USP6NL: variants seen among roughly 807,000 people sequenced by gnomAD.
The protein encoded by USP6NL is USP6 N-terminal-like protein.
In USP6NL, 26 loss-of-function variants were observed where a neutral mutation model predicts 61.9. That is an observed-to-expected ratio of 0.42 (90% CI 0.31 to 0.58). The LOEUF (loss-of-function observed/expected upper bound fraction) is 0.58. Among genes scored for constraint, USP6NL ranks in the 20% least tolerant of loss-of-function variants. The pLI is 0.16. For synonymous variants in USP6NL, 432 were observed against 390.1 expected, an observed-to-expected ratio of 1.11 and a Z score of -1.27; for missense variants, 1,114 against 1,034.3, an observed-to-expected ratio of 1.08 and a Z score of -1.06.
chr10:11,533,871 C>A (rs1236313275), intron 2 of USP6NL, among the ~76,000 whole-genome samples: 1 of 152,158 alleles, frequency 6.6e-6, no homozygotes, highest in Non-Finnish European at 1.5e-5. Flanking sequence ...AAAAACAAAA[C>A]AGCAACAGGA....
In USP6NL at chr10:11,548,447, G is replaced by C. The variant is rs1408331245; in HGVS notation, c.5-20880C>G. Among the ~76,000 whole-genome samples, 1 of 152,078 alleles carries C rather than the reference G, an allele frequency of 6.6e-6. No individual in the cohort carries two copies. Among genetic ancestry groups the C allele is most frequent in the African/African-American group, 2.4e-5 (1 of 41,388 alleles). On this transcript the variant is annotated intron_variant, in intron 2 of 14. Transcript: ENST00000609104. The surrounding 1 kb of genome is among the most constrained non-coding windows in gnomAD (Gnocchi z 4.3). The stretch of plus-strand genomic sequence containing the variant: ...GAAGCTTTCTCAATCTCAATACAGA[G>C]CTTGACATTTTATTATTTTTAATTA...
chr10:11,519,753 A>G (rs1294582086), intron 4 of USP6NL, among the ~76,000 whole-genome samples: 1 of 152,260 alleles, frequency 6.6e-6, no homozygotes, highest in Non-Finnish European at 1.5e-5. Context: ...TTGTGATATC[A>G]TCTCTAATAT....
At chr10:11,603,648 T>G (rs889566552) in intron 1 of USP6NL, among the ~76,000 whole-genome samples, 1 of 152,218 alleles carries the variant, frequency 6.6e-6, no homozygotes, top group African/African-American at 2.4e-5. Flanking sequence ...TACAAGAATG[T>G]ATTCATCTAT....
rs142649349 is a variant in USP6NL, at chr10:11,528,128, G to GACACACAC, written c.5-569_5-562dup. Among the ~76,000 whole-genome samples, 8,829 of 142,198 alleles carry GACACACAC rather than the reference G, an allele frequency of 0.062. 354 individuals are homozygous for GACACACAC. The highest frequency in any genetic ancestry group is 0.095 in the Non-Finnish European group (6,154 of 64,576). 93.3% of individuals were successfully genotyped at this position (142,198 alleles called of 152,430 possible). On this transcript the variant is annotated intron_variant, in intron 2 of 14. Transcript: ENST00000609104. This position sits in a 1 kb window ranked among gnomAD's most constrained non-coding sequence, Gnocchi z 4.6. Reference sequence around the variant, plus strand: ...ACATATGTGTGTGGACACACACACAGACACACACACACACACACACACACA... The same window carrying GACACACAC: ...ACATATGTGTGTGGACACACACACAGACACACACACACACACACACACACACACACACA...
At position 11,597,659 on chromosome 10, in the gene USP6NL, T is replaced by C. The variant is rs1187548071; in HGVS notation, c.-25A>G. 1 of 1,550,800 alleles carries C rather than the reference T, an allele frequency of 6.4e-7. No homozygotes were observed. Among genetic ancestry groups the C allele is most frequent in the African/African-American group, 1.4e-5 (1 of 73,160 alleles). On this transcript the variant is annotated 5_prime_UTR_variant, in exon 2 of 15. Coordinates refer to ENST00000609104, the MANE Select transcript of USP6NL (RefSeq NM_014688.5). The surrounding 1 kb of genome is among the most constrained non-coding windows in gnomAD (Gnocchi z 4.6). ...TGACTGGAAATGGGTCTGAATGTTGTCCCAATCAGATATTAAACCAAAATC... is the reference window on the plus strand; with the variant it reads ...TGACTGGAAATGGGTCTGAATGTTGCCCCAATCAGATATTAAACCAAAATC...
intron 2 of USP6NL, among the ~76,000 whole-genome samples, chr10:11,551,020 C>A (rs1380414619): frequency 6.6e-6 from 1 of 152,126 alleles, no homozygotes; most frequent in Non-Finnish European, 1.5e-5. Context: ...AACTCTCCTG[C>A]AGCATGCGTG....
chr10:11,532,287 C>A lies in USP6NL; in HGVS notation c.5-4720G>T. On this transcript the variant is annotated intron_variant, in intron 2 of 14. Coordinates refer to ENST00000609104, the MANE Select transcript of USP6NL (RefSeq NM_014688.5). The surrounding 1 kb of genome is among the most constrained non-coding windows in gnomAD (Gnocchi z 4.1). ...TATTATTTTATAGTTCTCGAACACA[C>A]CAAGAGTGCTGCCCGGCGGTACCTC... 1.3e-6 allele frequency: 2 copies of A among 1,484,034 alleles called. No homozygotes were observed. The highest frequency in any genetic ancestry group is 1.3e-5 in the South Asian group (1 of 77,224). The allele number at this position is 1,484,034 out of a possible 1,614,324, so 91.9% of individuals were successfully genotyped here.
rs148698156 is a variant in USP6NL, at chr10:11,525,992, G to A, written c.73-524C>T. Among the ~76,000 whole-genome samples, 7 of 151,562 alleles carry A rather than the reference G, an allele frequency of 4.6e-5. No homozygotes were observed. The East Asian group carries it at 1.2e-3, about 26-fold the overall frequency. On this transcript the variant is annotated intron_variant, in intron 3 of 14. Transcript: ENST00000609104. The surrounding 1 kb of genome is among the most constrained non-coding windows in gnomAD (Gnocchi z 5.0). ...CTTCCAGCAGTCAGACCTGCTGCAC[G>A]CTCTTCAGGCCTCATCTAACGGATC...
At chr10:11,538,043 C>T (rs1057342255) in intron 2 of USP6NL, among the ~76,000 whole-genome samples, 8 of 152,048 alleles carry the variant, frequency 5.3e-5, no homozygotes, top group South Asian at 2.1e-4. Context: ...GAGCACCTTG[C>T]GTCAGGTAGA....
In USP6NL at chr10:11,596,917, T is replaced by C. The variant is rs567098896; in HGVS notation, c.4+714A>G. On this transcript the variant is annotated intron_variant, in intron 2 of 14. Transcript: ENST00000609104. The surrounding 1 kb of genome is among the most constrained non-coding windows in gnomAD (Gnocchi z 4.1). Reference sequence around the variant, plus strand: ...TGTGAAAAACATTTAAACTCTAATATCATCTTCCAATAAGAAAATGCTCAT... The same window carrying C: ...TGTGAAAAACATTTAAACTCTAATACCATCTTCCAATAAGAAAATGCTCAT... Among the ~76,000 whole-genome samples, 2 of 152,254 alleles carry C rather than the reference T, an allele frequency of 1.3e-5. No individual in the cohort carries two copies. Among genetic ancestry groups the C allele is most frequent in the African/African-American group, 4.8e-5 (2 of 41,542 alleles).
At chr10:11,536,722 C>T (rs183347509) in intron 2 of USP6NL, among the ~76,000 whole-genome samples, 5 of 152,256 alleles carry the variant, frequency 3.3e-5, no homozygotes, top group Admixed American at 2.6e-4. Context: ...TATACTTCCC[C>T]GCGGTCCAAC....
rs1838591710 is a variant in USP6NL, at chr10:11,602,940, A to G, written c.-83-5223T>C. Among the ~76,000 whole-genome samples the G allele has an allele frequency of 6.6e-6, 1 of 152,332 alleles. No individual in the cohort carries two copies. The highest frequency in any genetic ancestry group is 1.9e-4 in the East Asian group (1 of 5,188). On this transcript the variant is annotated intron_variant, in intron 1 of 14. Coordinates refer to ENST00000609104, the MANE Select transcript of USP6NL (RefSeq NM_014688.5). This position sits in a 1 kb window ranked among gnomAD's most constrained non-coding sequence, Gnocchi z 4.8. ...CTTTCACAGTTCTTATGCTTTCCCT[A>G]AAGAATGCTCTTGCTGCAACCCCGT... is the stretch of plus-strand genomic sequence containing the variant.
intron 2 of USP6NL, among the ~76,000 whole-genome samples, chr10:11,571,458 A>G (rs1333002000): frequency 6.6e-5 from 10 of 152,136 alleles, no homozygotes; most frequent in Admixed American, 6.6e-4. Context: ...ACCAAGGAAA[A>G]CTATTTGATA....
chr10:11,550,730 T>C (rs1236961137), intron 2 of USP6NL, among the ~76,000 whole-genome samples: 1 of 151,480 alleles, frequency 6.6e-6, no homozygotes, highest in Non-Finnish European at 1.5e-5. Flanking sequence ...GCACTCCAGC[T>C]GGGCAACAGA....
At chr10:11,500,211 A>G (rs537150371) in intron 7 of USP6NL, among the ~76,000 whole-genome samples, 6 of 152,296 alleles carry the variant, frequency 3.9e-5, no homozygotes, top group Admixed American at 1.3e-4. Flanking sequence ...AGAATAGCCA[A>G]TGAGTGCTAA....
rs759320826 is a variant in USP6NL, at chr10:11,463,127, T to C, written c.1801A>G (p.Asn601Asp). 15 of 1,614,012 alleles carry C rather than the reference T, an allele frequency of 9.3e-6. No homozygotes were observed. Among genetic ancestry groups the C allele is most frequent in the Non-Finnish European group, 1.3e-5 (15 of 1,179,900 alleles). ...EPSSSPSKVS[N>D]KFTFKVQPPS... is the part of the protein sequence containing the mutation. ...GGCTGTACTTTAAAAGTAAACTTGT[T>C]GGATACTTTTGATGGACTAGAACTT... Residue 601 changes from asparagine (N) to aspartate (D), a missense_variant, in exon 15 of 15, where the codon AAC becomes GAC. Physicochemically the swap from Asn to Asp is conservative, Grantham distance 23. Coordinates refer to ENST00000609104, the MANE Select transcript of USP6NL (RefSeq NM_014688.5). This position sits in a 1 kb window ranked among gnomAD's most constrained non-coding sequence, Gnocchi z 6.3.
chr10:11,467,828 T>G (rs1295489548), intron 14 of USP6NL, among the ~76,000 whole-genome samples: 2 of 152,270 alleles, frequency 1.3e-5, no homozygotes, highest in Non-Finnish European at 2.9e-5. Flanking sequence ...TTTTTTCTGC[T>G]GTAAACATGT....
chr10:11,557,205 A>C (rs185075703), intron 2 of USP6NL, among the ~76,000 whole-genome samples: 1 of 152,274 alleles, frequency 6.6e-6, no homozygotes, highest in East Asian at 1.9e-4. Flanking sequence ...ATTCAATCAC[A>C]ATTTTATTCA....
chr10:11,485,194 C>G lies in USP6NL; in HGVS notation c.800G>C (p.Trp267Ser). 6.5e-7 allele frequency: 1 copy of G among 1,534,784 alleles called. No individual in the cohort carries two copies. Among genetic ancestry groups the G allele is most frequent in the Non-Finnish European group, 8.7e-7 (1 of 1,143,398 alleles). ...EIYTSFYTMKWFFQCFLDRTP... is the reference protein window; with the variant it reads ...EIYTSFYTMKSFFQCFLDRTP... ...ACGATCAAGGAAACACTGAAAAAAC[C>G]ATTTCATTGTGTAAAAACTTGTGTA... Residue 267 changes from tryptophan to serine, a missense_variant, in exon 12 of 15, where the codon TGG (tryptophan) becomes TCG (serine). By Grantham distance (177) the Trp-to-Ser change is radical (BLOSUM62 -3). Transcript: ENST00000609104. This position sits in a 1 kb window ranked among gnomAD's most constrained non-coding sequence, Gnocchi z 4.8.
Sources: allele counts gnomAD v4.1 joint callset (sites outside exome capture counted in the v4.1 genomes callset), GRCh38; gene constraint gnomAD v4.1.1; non-coding constraint Gnocchi (gnomAD v3.1); transcripts MANE v1.5; gene names NCBI Gene and HGNC (gene_info 2026-07-23, HGNC 2026-07-21).